Variants in CDK13 observed in about 807,000 individuals in gnomAD.
The protein encoded by CDK13 is cyclin-dependent kinase 13.
Under a neutral mutation model 137.6 loss-of-function variants are expected in CDK13, and 40 were observed. That is an observed-to-expected ratio of 0.29 (90% CI 0.23 to 0.38). The LOEUF (loss-of-function observed/expected upper bound fraction) is 0.38, where lower values mean the gene tolerates loss of function less well. Ranked by LOEUF, CDK13 falls within the 10% of genes least tolerant of loss-of-function variation. The pLI is 1.00. For missense variants in CDK13, 1,704 were observed against 1,951.8 expected, an observed-to-expected ratio of 0.87 and a Z score of 2.39; for synonymous variants, 869 against 760.1, an observed-to-expected ratio of 1.14 and a Z score of -2.36.
At chr7:39,992,173 T>TGTGC (rs1784475141) in intron 2 of CDK13, among the ~76,000 whole-genome samples, 1 of 83,670 alleles carries the variant, frequency 1.2e-5, no homozygotes, top group Non-Finnish European at 3.6e-5. Flanking sequence ...GGTGTGTGTG[T>TGTGC]GTGTGTGTGT....
chr7:40,060,936 C>T (rs798859), intron 7 of CDK13: 2,874 of 152,182 alleles, frequency 0.019, 35 homozygotes, highest in Non-Finnish European at 0.028. Flanking sequence ...GGAGTGGTGG[C>T]GGGTGCCTGT....
At chr7:40,056,025 G>T (rs1053404944) in intron 7 of CDK13, among the ~76,000 whole-genome samples, 1 of 152,128 alleles carries the variant, frequency 6.6e-6, no homozygotes, top group South Asian at 2.1e-4. Flanking sequence ...AACGGTTAAC[G>T]GGATTTAATA....
intron 3 of CDK13, chr7:39,997,868 TTC>T (rs1490347655): frequency 2.1e-6 from 1 of 482,896 alleles, no homozygotes; most frequent in Non-Finnish European, 3.6e-6. Context: ...AAATTTAATT[TTC>T]TCTCGTAATT....
chr7:39,996,598 G>A (rs1189117401), intron 2 of CDK13, among the ~76,000 whole-genome samples: 2 of 152,144 alleles, frequency 1.3e-5, no homozygotes, highest in Non-Finnish European at 2.9e-5. Flanking sequence ...AGCTGAATTA[G>A]CTGTTGCTTG....
At position 40,094,861 on chromosome 7, in the gene CDK13, A is replaced by C. The variant is rs762910469; in HGVS notation, c.4420A>C (p.Ser1474Arg). Residue 1474 changes from serine to arginine, a missense_variant, in exon 14 of 14, where the codon AGC becomes CGC. This residue lies in a region of CDK13 where 475 missense variants were observed against 579.3 expected (regional missense o/e 0.82). Coordinates refer to ENST00000181839, the MANE Select transcript of CDK13 (RefSeq NM_003718.5). ...GNLQENPSGPSLMHGQTWTSP... is the reference protein window; with the variant it reads ...GNLQENPSGPRLMHGQTWTSP... Reference sequence around the variant, plus strand: ...CTTACAGGAAAATCCGAGTGGCCCCAGCCTCATGCATGGACAGACCTGGAC... The same window carrying C: ...CTTACAGGAAAATCCGAGTGGCCCCCGCCTCATGCATGGACAGACCTGGAC... 99 of 1,549,414 alleles carry C rather than the reference A, an allele frequency of 6.4e-5. No individual in the cohort carries two copies. Among genetic ancestry groups the C allele is most frequent in the Non-Finnish European group, 5.2e-6 (6 of 1,149,468 alleles).
intron 4 of CDK13, 58 bp downstream of exon 4, chr7:39,999,558 T>C: frequency 6.7e-7 from 1 of 1,490,522 alleles, no homozygotes; most frequent in Non-Finnish European, 9.0e-7. Flanking sequence ...AGTTTGTGTT[T>C]CTCTTCTGAT....
chr7:39,989,177 A>AG, intron 2 of CDK13, among the ~76,000 whole-genome samples: 1 of 147,766 alleles, frequency 6.8e-6, no homozygotes. Context: ...ATGAACAGTG[A>AG]GGGTATGGCT....
intron 12 of CDK13, among the ~76,000 whole-genome samples, chr7:40,091,553 G>GGAT (rs1459803192): frequency 6.6e-6 from 1 of 151,306 alleles, no homozygotes; most frequent in African/African-American, 2.4e-5. Flanking sequence ...TTTGAAAAAA[G>GGAT]GATGAATCCT....
At chr7:40,032,752 G>GTT (rs956578087) in intron 5 of CDK13, among the ~76,000 whole-genome samples, 1 of 147,270 alleles carries the variant, frequency 6.8e-6, no homozygotes, top group African/African-American at 2.5e-5. Context: ...GTCTAGTTAT[G>GTT]TTTTTTTTTT....
chr7:40,062,504 TCTC>T (rs1176490186), intron 7 of CDK13: 1 of 226,298 alleles, frequency 4.4e-6, no homozygotes, highest in Admixed American at 5.4e-5. Context: ...ATGGTCTCGA[TCTC>T]CTGACCTCGT....
At chr7:39,973,869 C>A (rs1784051503) in intron 1 of CDK13, among the ~76,000 whole-genome samples, 1 of 152,150 alleles carries the variant, frequency 6.6e-6, no homozygotes, top group Non-Finnish European at 1.5e-5. Context: ...TGTCTTAGCA[C>A]CCTTGTTGAA....
intron 5 of CDK13, among the ~76,000 whole-genome samples, chr7:40,028,290 C>T (rs1045666187): frequency 7.5e-5 from 11 of 147,568 alleles, no homozygotes; most frequent in Non-Finnish European, 1.6e-4. Context: ...CTGATCTAGG[C>T]TCACTACAAG....
Position 40,095,464 on chromosome 7 carries a change from CT to C in CDK13, c.*487del, listed in dbSNP as rs1414922206. On this transcript the variant is annotated 3_prime_UTR_variant, in exon 14 of 14. Transcript: ENST00000181839. ...AGGTCACTGTCAGTCTTTGCACCTG[CT>C]TTCAGTGTTATTGTGAAAGGTGTAC... 3.3e-5 allele frequency: 5 copies of C among 152,354 alleles called. No individual in the cohort carries two copies. Among genetic ancestry groups the C allele is most frequent in the African/African-American group, 1.2e-4 (5 of 41,328 alleles). The allele number at this position is 152,354 out of a possible 1,614,324, so 9.4% of individuals were successfully genotyped here. A position where few individuals can be genotyped will look rare whatever the true frequency, so the allele number is the denominator to read the frequency against.
intron 12 of CDK13, among the ~76,000 whole-genome samples, chr7:40,089,721 AGAGTGT>A (rs1482168417): frequency 5.2e-4 from 66 of 126,818 alleles, no homozygotes; most frequent in African/African-American, 2.2e-3. Context: ...AGAGAGAGAG[AGAGTGT>A]GTGTGTGTGT....
intron 5 of CDK13, among the ~76,000 whole-genome samples, chr7:40,016,407 G>C (rs1388142131): frequency 6.6e-6 from 1 of 152,134 alleles, no homozygotes; most frequent in Non-Finnish European, 1.5e-5. Flanking sequence ...ATTACCATTA[G>C]AGTCTACCTA....
chr7:40,023,686 A>T (rs1411169886), intron 5 of CDK13, among the ~76,000 whole-genome samples: 1 of 151,964 alleles, frequency 6.6e-6, no homozygotes, highest in Non-Finnish European at 1.5e-5. Context: ...TTTTTAATAG[A>T]GACGGGGTTT....
chr7:40,021,118 T>TACACACACAC (rs1326611140), intron 5 of CDK13, among the ~76,000 whole-genome samples: 2 of 107,096 alleles, frequency 1.9e-5, no homozygotes, highest in African/African-American at 5.6e-5. Flanking sequence ...TATATATATA[T>TACACACACAC]ATATACACAC....
chr7:39,951,717 C>G lies in CDK13; in HGVS notation c.1076C>G (p.Pro359Arg), dbSNP rs2116071025. Reference sequence around the variant, plus strand: ...TATTCTCGGCGGCTGCCGCGCTCCCCGAGCCCCTACAGTCGCCGCCGCTCC... The same window carrying G: ...TATTCTCGGCGGCTGCCGCGCTCCCGGAGCCCCTACAGTCGCCGCCGCTCC... ...SPYSRRLPRSPSPYSRRRSPS... is the reference protein window; with the variant it reads ...SPYSRRLPRSRSPYSRRRSPS... The change falls in exon 1 of 14, where the codon CCG becomes CGG. Residue 359 changes from proline to arginine, a missense_variant. By Grantham distance (103) the Pro-to-Arg change is moderately radical. Coordinates refer to ENST00000181839, the MANE Select transcript of CDK13 (RefSeq NM_003718.5). The G allele has an allele frequency of 6.8e-7, 1 of 1,476,898 alleles. No homozygotes were observed. Among genetic ancestry groups the G allele is most frequent in the Non-Finnish European group, 8.9e-7 (1 of 1,124,826 alleles). 91.5% of individuals were successfully genotyped at this position (1,476,898 alleles called of 1,614,324 possible).
chr7:40,045,560 T>G (rs1324311515), intron 5 of CDK13, among the ~76,000 whole-genome samples: 1 of 151,512 alleles, frequency 6.6e-6, no homozygotes, highest in African/African-American at 2.4e-5. Flanking sequence ...ACCTAGAAAC[T>G]ATACAATATG....
Sources: gnomAD v4.1 joint callset for allele counts (sites outside exome capture counted in the v4.1 genomes callset) on GRCh38, gnomAD v4.1.1 for gene constraint, gnomAD v4.1.1 regional missense constraint, MANE v1.5 for transcripts, NCBI Gene and HGNC (gene_info 2026-07-23, HGNC 2026-07-21) for gene names.